SIPA1L1: variants seen among roughly 807,000 people sequenced by gnomAD.
SIPA1L1 encodes signal-induced proliferation-associated 1-like protein 1.
Under a neutral mutation model 162.7 loss-of-function variants are expected in SIPA1L1, and 26 were observed. That is an observed-to-expected ratio of 0.16 (90% CI 0.12 to 0.22). The LOEUF (loss-of-function observed/expected upper bound fraction) is 0.22, where lower values mean the gene tolerates loss of function less well. Among genes scored for constraint, SIPA1L1 ranks in the 10% least tolerant of loss-of-function variants. The pLI is 1.00. For synonymous variants in SIPA1L1, 829 were observed against 837.4 expected, an observed-to-expected ratio of 0.99 and a Z score of 0.17; for missense variants, 1,874 against 2,241.0, an observed-to-expected ratio of 0.84 and a Z score of 3.31.
At chr14:71,381,935 T>G (rs1187773781) in intron 2 of SIPA1L1, among the ~76,000 whole-genome samples, 2 of 152,224 alleles carry the variant, frequency 1.3e-5, no homozygotes, top group Non-Finnish European at 2.9e-5. Flanking sequence ...GGTAGTACTG[T>G]CTGAGTTCTG....
chr14:71,694,751 C>T (rs1457221506), intron 13 of SIPA1L1, among the ~76,000 whole-genome samples: 1 of 152,168 alleles, frequency 6.6e-6, no homozygotes. Context: ...AATCTTTGTC[C>T]TCTAAATCTG....
chr14:71,321,729 G>C (rs1417564651), intron 2 of SIPA1L1: 2 of 152,246 alleles, frequency 1.3e-5, no homozygotes, highest in Non-Finnish European at 2.9e-5. Context: ...TGAGGGTGCC[G>C]CAAAAAGAAC....
chr14:71,374,758 C>T (rs1324062640), intron 2 of SIPA1L1, among the ~76,000 whole-genome samples: 2 of 137,882 alleles, frequency 1.5e-5, no homozygotes, highest in African/African-American at 5.4e-5. Context: ...AATATATTTT[C>T]ACTCCTATAG....
intron 7 of SIPA1L1, among the ~76,000 whole-genome samples, chr14:71,625,422 C>T (rs1166220359): frequency 1.3e-5 from 2 of 152,120 alleles, no homozygotes; most frequent in Non-Finnish European, 2.9e-5. Flanking sequence ...GCCTCAGCCT[C>T]TCGAGTAGCT....
chr14:71,591,789 A>G (rs914300171), intron 5 of SIPA1L1, among the ~76,000 whole-genome samples: 1 of 152,234 alleles, frequency 6.6e-6, no homozygotes. Context: ...ATAGAGACTA[A>G]CAACATAATC....
intron 2 of SIPA1L1, among the ~76,000 whole-genome samples, chr14:71,466,581 A>G (rs1200626355): frequency 1.4e-4 from 14 of 101,752 alleles, no homozygotes; most frequent in East Asian, 1.6e-3. Context: ...AGCCATACTG[A>G]AAAAAAAAAA....
rs764456614 is a variant in SIPA1L1 at position 71,730,258 on chromosome 14, G to A, written c.4818G>A (p.Pro1606=). ...ACCCTTCTCTCCCCAAGTCGCTCCCGTTGAGGAGGCCTTCTTACACCTTAG... is the reference window on the plus strand; with the variant it reads ...ACCCTTCTCTCCCCAAGTCGCTCCCATTGAGGAGGCCTTCTTACACCTTAG... ...STYPSLPKSL[P]LRRPSYTLGM... Residue 1606 remains proline, a synonymous_variant, in exon 20 of 24, where the codon CCG becomes CCA. Coordinates refer to ENST00000381232, the MANE Select transcript of SIPA1L1 (RefSeq NM_001386936.1). The A allele has an allele frequency of 2.0e-5, 32 of 1,614,036 alleles. No individual in the cohort carries two copies. Among genetic ancestry groups the A allele is most frequent in the South Asian group, 7.7e-5 (7 of 91,080 alleles).
At chr14:71,643,813 G>T (rs542919723) in intron 7 of SIPA1L1, among the ~76,000 whole-genome samples, 14 of 152,040 alleles carry the variant, frequency 9.2e-5, no homozygotes, top group Non-Finnish European at 1.8e-4. Flanking sequence ...TTGTGTGTGT[G>T]TTTTTTTCTT....
At chr14:71,563,761 T>G (rs2056973963) in intron 4 of SIPA1L1, among the ~76,000 whole-genome samples, 3 of 152,202 alleles carry the variant, frequency 2.0e-5, no homozygotes, top group Admixed American at 2.0e-4. Flanking sequence ...GAGTTTCAGC[T>G]CCACTGTTTT....
intron 2 of SIPA1L1, among the ~76,000 whole-genome samples, chr14:71,485,703 A>AC (rs1213051462): frequency 6.6e-6 from 1 of 152,124 alleles, no homozygotes; most frequent in Non-Finnish European, 1.5e-5. Context: ...AATGTAATAT[A>AC]CTTGAATCAT....
At chr14:71,389,315 A>G (rs2040571395) in intron 2 of SIPA1L1, among the ~76,000 whole-genome samples, 1 of 152,242 alleles carries the variant, frequency 6.6e-6, no homozygotes, top group African/African-American at 2.4e-5. Flanking sequence ...GCATCTGTCT[A>G]GATGGCTCAG....
intron 2 of SIPA1L1, among the ~76,000 whole-genome samples, chr14:71,509,445 C>T (rs2050937201): frequency 6.6e-6 from 1 of 151,982 alleles, no homozygotes; most frequent in Admixed American, 6.6e-5. Context: ...GTAGCATGAG[C>T]AATATCAAGG....
intron 2 of SIPA1L1, among the ~76,000 whole-genome samples, chr14:71,460,024 A>AC (rs539254495): frequency 2.0e-5 from 3 of 152,376 alleles, no homozygotes; most frequent in Admixed American, 2.0e-4. Context: ...ACATAAAGTT[A>AC]ATAATACATA....
At chr14:71,643,605 A>G (rs1431300691) in intron 7 of SIPA1L1, among the ~76,000 whole-genome samples, 1 of 152,230 alleles carries the variant, frequency 6.6e-6, no homozygotes, top group Non-Finnish European at 1.5e-5. Flanking sequence ...TGTCTGGCTT[A>G]ATAGAAGGCA....
chr14:71,645,222 C>T lies in SIPA1L1; in HGVS notation c.1819-5113C>T, dbSNP rs188105656. On this transcript the variant is annotated intron_variant, in intron 7 of 23. Transcript: ENST00000381232. ...CTTTTTCTGATGATCATCTTGTCTT[C>T]CTCTTCCACTTTTAAGGACCTTTCA... 2.1e-3 allele frequency among the ~76,000 whole-genome samples: 313 copies of T among 152,290 alleles called. 2 individuals carry two copies. Among genetic ancestry groups the T allele is most frequent in the African/African-American group, 7.1e-3 (294 of 41,560 alleles).
intron 4 of SIPA1L1, among the ~76,000 whole-genome samples, chr14:71,571,756 C>T (rs1445837682): frequency 6.6e-6 from 1 of 151,968 alleles, no homozygotes; most frequent in Admixed American, 6.6e-5. Flanking sequence ...ATTCTCCTGC[C>T]TCAGCCTCCG....
chr14:71,472,030 A>G (rs1279116894), intron 2 of SIPA1L1, among the ~76,000 whole-genome samples: 2 of 151,430 alleles, frequency 1.3e-5, no homozygotes, highest in East Asian at 3.9e-4. Context: ...AGGGTTAATA[A>G]ATATCTTTTA....
chr14:71,465,560 C>A (rs1307526318), intron 2 of SIPA1L1, among the ~76,000 whole-genome samples: 1 of 152,152 alleles, frequency 6.6e-6, no homozygotes, highest in Non-Finnish European at 1.5e-5. Flanking sequence ...ACAGTTCGTG[C>A]CAAGGACTCT....
At chr14:71,609,758 C>T (rs958777698) in intron 5 of SIPA1L1, among the ~76,000 whole-genome samples, 12 of 151,960 alleles carry the variant, frequency 7.9e-5, no homozygotes, top group Non-Finnish European at 1.3e-4. Flanking sequence ...TGAGCCACCG[C>T]GCCTGGCCAA....
Sources: gnomAD v4.1 joint callset for allele counts (sites outside exome capture counted in the v4.1 genomes callset) on GRCh38, gnomAD v4.1.1 for gene constraint, MANE v1.5 for transcripts, NCBI Gene and HGNC (gene_info 2026-07-23, HGNC 2026-07-21) for gene names.